The following ZC3H7B variants were observed in gnomAD, a reference collection of about 807,000 sequenced individuals.
ZC3H7B encodes zinc finger CCCH domain-containing protein 7B.
A neutral mutation model predicts 116.0 loss-of-function variants in ZC3H7B; 35 were observed. The observed-to-expected ratio is 0.30, with a 90% CI of 0.23 to 0.40. The LOEUF (loss-of-function observed/expected upper bound fraction) is 0.40, where lower values mean the gene tolerates loss of function less well. Among genes scored for constraint, ZC3H7B ranks in the 10% least tolerant of loss-of-function variants. ZC3H7B has a pLI of 1.00. For missense variants in ZC3H7B, 1,011 were observed against 1,321.5 expected, an observed-to-expected ratio of 0.77 and a Z score of 3.64; for synonymous variants, 502 against 545.6, an observed-to-expected ratio of 0.92 and a Z score of 1.11.
intron 13 of ZC3H7B, 150 bp from the exon 14 acceptor site, chr22:41,345,853 C>T: frequency 1.3e-6 from 1 of 771,194 alleles, no homozygotes; most frequent in Admixed American, 2.0e-5. Flanking sequence ...GGGGGTGCAG[C>T]AGCCCCTGGC....
At chr22:41,314,930 T>C (rs930815017) in intron 1 of ZC3H7B, among the ~76,000 whole-genome samples, 1 of 145,114 alleles carries the variant, frequency 6.9e-6, no homozygotes, top group Admixed American at 6.8e-5. Flanking sequence ...TACTTAAAAA[T>C]ACAGGCAAGA....
rs1483854721 is a variant in ZC3H7B, at chr22:41,342,648, C to T, written c.1297+20C>T. On this transcript the variant is annotated intron_variant, in intron 12 of 22. Transcript: ENST00000352645. ...AGACAGGTAAACTTTCACCTGTAGACTCCACCCCTCTGCCCAGAGAACTGG... is the reference window on the plus strand; with the variant it reads ...AGACAGGTAAACTTTCACCTGTAGATTCCACCCCTCTGCCCAGAGAACTGG... 6.3e-7 allele frequency: 1 copy of T among 1,591,752 alleles called. No individual in the cohort carries two copies. The highest frequency in any genetic ancestry group is 8.6e-7 in the Non-Finnish European group (1 of 1,165,528).
chr22:41,346,265 A>T lies in ZC3H7B; in HGVS notation c.1665+57A>T. 6.3e-7 allele frequency: 1 copy of T among 1,579,024 alleles called. No individual in the cohort carries two copies. The highest frequency in any genetic ancestry group is 8.6e-7 in the Non-Finnish European group (1 of 1,165,710). On this transcript the variant is annotated intron_variant, in intron 14 of 22. Transcript: ENST00000352645. The surrounding 1 kb of genome is among the most constrained non-coding windows in gnomAD (Gnocchi z 5.3). ...GGCCATGGCACAGACAGGGCTGGGGATGCTCCCTGGCACGGACCACCATAG... is the reference window on the plus strand; with the variant it reads ...GGCCATGGCACAGACAGGGCTGGGGTTGCTCCCTGGCACGGACCACCATAG...
In ZC3H7B at chr22:41,302,429, G is replaced by T. The variant is rs1189223102; in HGVS notation, c.-7+657G>T. On this transcript the variant is annotated intron_variant, in intron 1 of 22. Coordinates refer to ENST00000352645, the MANE Select transcript of ZC3H7B (RefSeq NM_017590.6). The surrounding 1 kb of genome is among the most constrained non-coding windows in gnomAD (Gnocchi z 5.7). ...GCTGGGCAGGGGGGCGTTTCCGGTCGCAGGATCAGTCTCTGGACTTCGAGG... is the reference window on the plus strand; with the variant it reads ...GCTGGGCAGGGGGGCGTTTCCGGTCTCAGGATCAGTCTCTGGACTTCGAGG... 6.6e-6 allele frequency among the ~76,000 whole-genome samples: 1 copy of T among 152,112 alleles called. No individual in the cohort carries two copies. The highest frequency in any genetic ancestry group is 2.1e-4 in the South Asian group (1 of 4,830).
chr22:41,355,138 G>A (rs978492966), intron 17 of ZC3H7B, among the ~76,000 whole-genome samples: 2 of 152,246 alleles, frequency 1.3e-5, no homozygotes, highest in African/African-American at 2.4e-5. Flanking sequence ...GAAGAGTGGA[G>A]GAAGGGCAGC....
intron 7 of ZC3H7B, among the ~76,000 whole-genome samples, chr22:41,337,554 G>A (rs2036462372): frequency 6.6e-6 from 1 of 152,184 alleles, no homozygotes; most frequent in South Asian, 2.1e-4. Context: ...GCCCTTCTCT[G>A]CTTCCTGGGG....
Position 41,355,826 on chromosome 22 carries a change from A to G in ZC3H7B, c.2238A>G (p.Pro746=), listed in dbSNP as rs2036706512. 1 of 1,613,672 alleles carries G rather than the reference A, an allele frequency of 6.2e-7. No individual in the cohort carries two copies. Among genetic ancestry groups the G allele is most frequent in the African/African-American group, 1.3e-5 (1 of 75,028 alleles). Residue 746 remains proline (P), a synonymous_variant, in exon 19 of 23, where the codon CCA becomes CCG. Coordinates refer to ENST00000352645, the MANE Select transcript of ZC3H7B (RefSeq NM_017590.6). The stretch of plus-strand genomic sequence containing the variant: ...AGAGGAAATGGGTGTCAGTGAGGCC[A>G]CTGCCATCCATTCGTAACTTCCCAC... ...KAKRKWVSVR[P]LPSIRNFPQQ...
intron 1 of ZC3H7B, among the ~76,000 whole-genome samples, chr22:41,303,454 A>T (rs1299745639): frequency 6.6e-6 from 1 of 152,218 alleles, no homozygotes; most frequent in Non-Finnish European, 1.5e-5. Context: ...GAAAGCTGAG[A>T]TGTCGGTTGA....
chr22:41,320,561 T>G, intron 1 of ZC3H7B, 94 bp from the exon 2 acceptor site: 1 of 1,396,042 alleles, frequency 7.2e-7, no homozygotes, highest in Non-Finnish European at 1.0e-6. Context: ...AGAGTGGGAG[T>G]GAGAGCACCC....
chr22:41,303,651 TCAGA>T (rs1417003556), intron 1 of ZC3H7B, among the ~76,000 whole-genome samples: 2 of 151,780 alleles, frequency 1.3e-5, no homozygotes, highest in South Asian at 4.2e-4. Flanking sequence ...TGCTGGAAAG[TCAGA>T]CAGCAGAGGT....
chr22:41,346,286 C>A lies in ZC3H7B; in HGVS notation c.1665+78C>A. The A allele has an allele frequency of 6.7e-7, 1 of 1,502,944 alleles. No homozygotes were observed. The highest frequency in any genetic ancestry group is 2.4e-5 in the East Asian group (1 of 41,942). 93.1% of individuals were successfully genotyped at this position (1,502,944 alleles called of 1,614,324 possible). A position where few individuals can be genotyped will look rare whatever the true frequency, so the allele number is the denominator to read the frequency against. ...GGGGATGCTCCCTGGCACGGACCAC[C>A]ATAGGAAGTCAGCCCTGGAACCCGT... is the stretch of plus-strand genomic sequence containing the variant. On this transcript the variant is annotated intron_variant, in intron 14 of 22. Transcript: ENST00000352645. The surrounding 1 kb of genome is among the most constrained non-coding windows in gnomAD (Gnocchi z 5.3).
At chr22:41,334,356 G>C (rs2036416548) in intron 7 of ZC3H7B, 2 of 152,278 alleles carry the variant, frequency 1.3e-5, no homozygotes, top group Admixed American at 1.3e-4. Context: ...GGGGGCCACA[G>C]CAAATATGGG....
chr22:41,351,753 A>T lies in ZC3H7B; in HGVS notation c.2034+107A>T. ...ATAGAGAAATGTTTACAATGGAGGCACCTCGAATAAGTTATGAAAGTAACT... is the reference window on the plus strand; with the variant it reads ...ATAGAGAAATGTTTACAATGGAGGCTCCTCGAATAAGTTATGAAAGTAACT... On this transcript the variant is annotated intron_variant, in intron 17 of 22. Transcript: ENST00000352645. The surrounding 1 kb of genome is among the most constrained non-coding windows in gnomAD (Gnocchi z 5.1). The T allele has an allele frequency of 1.9e-6, 2 of 1,042,236 alleles. No individual in the cohort carries two copies. Among genetic ancestry groups the T allele is most frequent in the Non-Finnish European group, 2.8e-6 (2 of 709,722 alleles). The allele number at this position is 1,042,236 out of a possible 1,614,324, so 64.6% of individuals were successfully genotyped here.
chr22:41,321,784 A>C (rs1156670025), intron 2 of ZC3H7B, among the ~76,000 whole-genome samples: 4 of 146,232 alleles, frequency 2.7e-5, no homozygotes, highest in Non-Finnish European at 5.9e-5. Context: ...GAGGAATAGC[A>C]TTCTAGCCCA....
Position 41,320,644 on chromosome 22 carries a change from C to G in ZC3H7B, c.-6-11C>G, listed in dbSNP as rs187804626. 3.5e-4 allele frequency: 568 copies of G among 1,613,818 alleles called. 2 individuals are homozygous for G. The Middle Eastern group carries it at 6.9e-3, about 20-fold the overall frequency. ...TGCTGACTGACTGATGGACTGTGCT[C>G]TCTTCCCCAGAGACTGATGGAGAGG... On this transcript the variant is annotated splice_polypyrimidine_tract_variant and intron_variant, in intron 1 of 22. Transcript: ENST00000352645.
Position 41,338,433 on chromosome 22 carries a change from C to T in ZC3H7B, c.625+78C>T. On this transcript the variant is annotated intron_variant, in intron 8 of 22. Coordinates refer to ENST00000352645, the MANE Select transcript of ZC3H7B (RefSeq NM_017590.6). The surrounding 1 kb of genome is among the most constrained non-coding windows in gnomAD (Gnocchi z 4.5). ...GGGGAGTCGAGCCCCCTCCCCATCCCAGCCCTGTAGATGGGAGGGCCTCCG... is the reference window on the plus strand; with the variant it reads ...GGGGAGTCGAGCCCCCTCCCCATCCTAGCCCTGTAGATGGGAGGGCCTCCG... The T allele has an allele frequency of 3.3e-6, 5 of 1,516,780 alleles. No individual in the cohort carries two copies. The highest frequency in any genetic ancestry group is 4.5e-6 in the Non-Finnish European group (5 of 1,107,098). The allele number at this position is 1,516,780 out of a possible 1,614,324, so 94.0% of individuals were successfully genotyped here. A position where few individuals can be genotyped will look rare whatever the true frequency, so the allele number is the denominator to read the frequency against.
chr22:41,313,859 G>A (rs946569013), intron 1 of ZC3H7B, among the ~76,000 whole-genome samples: 5 of 151,422 alleles, frequency 3.3e-5, no homozygotes, highest in African/African-American at 7.3e-5. Context: ...CGATTCTCCC[G>A]CTTCAGCCTC....
intron 1 of ZC3H7B, among the ~76,000 whole-genome samples, chr22:41,320,357 C>T (rs1383172395): frequency 6.6e-6 from 1 of 151,656 alleles, no homozygotes; most frequent in Non-Finnish European, 1.5e-5. Context: ...AAGAGTTTTC[C>T]CTTGAACTTG....
chr22:41,333,757 TAAAC>T (rs745608784), intron 7 of ZC3H7B: 13 of 152,214 alleles, frequency 8.5e-5, no homozygotes, highest in Non-Finnish European at 1.6e-4. Context: ...GGGTATGTGA[TAAAC>T]AAAACAAATC....
Sources: allele counts gnomAD v4.1 joint callset (sites outside exome capture counted in the v4.1 genomes callset), GRCh38; gene constraint gnomAD v4.1.1; non-coding constraint Gnocchi (gnomAD v3.1); transcripts MANE v1.5; gene names NCBI Gene and HGNC (gene_info 2026-07-23, HGNC 2026-07-21).